SAMD12: variants seen among roughly 807,000 people sequenced by gnomAD.
SAMD12 encodes sterile alpha motif domain-containing protein 12.
A neutral mutation model predicts 15.0 loss-of-function variants in SAMD12; 9 were observed. The ratio of observed to expected loss-of-function variants is 0.60; its 90% CI spans 0.36 to 1.05. SAMD12 has a LOEUF of 1.05. Ranked by LOEUF, SAMD12 falls within the 50% of genes least tolerant of loss-of-function variation. The pLI, the probability that SAMD12 is intolerant of heterozygous loss-of-function variation, is 0.01. For missense variants in SAMD12, 230 were observed against 234.2 expected, an observed-to-expected ratio of 0.98 and a Z score of 0.12; for synonymous variants, 86 against 90.1, an observed-to-expected ratio of 0.96 and a Z score of 0.25.
At chr8:118,458,220 G>A (rs933103008) in intron 2 of SAMD12, among the ~76,000 whole-genome samples, 5 of 152,016 alleles carry the variant, frequency 3.3e-5, no homozygotes, top group Middle Eastern at 3.2e-3. Flanking sequence ...TCTAGCTCCC[G>A]TTTTTTCTTT....
intron 2 of SAMD12, among the ~76,000 whole-genome samples, chr8:118,575,408 T>G (rs1037547130): frequency 9.9e-5 from 15 of 152,206 alleles, no homozygotes; most frequent in African/African-American, 3.4e-4. Flanking sequence ...TTCTTTTGCC[T>G]AGTTGGCCAG....
At chr8:118,201,725 T>C (rs903067754) in intron 4 of SAMD12, among the ~76,000 whole-genome samples, 4 of 152,232 alleles carry the variant, frequency 2.6e-5, no homozygotes, top group African/African-American at 9.6e-5. Flanking sequence ...TGCTCTGGTT[T>C]CTTTCTCTGC....
intron 1 of SAMD12, 65 bp downstream of exon 1, chr8:118,621,739 G>C: frequency 1.1e-5 from 17 of 1,580,196 alleles, no homozygotes; most frequent in Admixed American, 1.7e-5. Context: ...AAGCTTCATC[G>C]GGGATGTGTG....
chr8:118,239,638 C>A (rs372866905), intron 4 of SAMD12, among the ~76,000 whole-genome samples: 1 of 152,120 alleles, frequency 6.6e-6, no homozygotes, highest in African/African-American at 2.4e-5. Context: ...TATTTTCTAC[C>A]CAGGCCATTT....
intron 3 of SAMD12, among the ~76,000 whole-genome samples, chr8:118,395,591 T>C (rs1371531748): frequency 6.6e-6 from 1 of 152,208 alleles, no homozygotes; most frequent in African/African-American, 2.4e-5. Flanking sequence ...TTGTTTTAAG[T>C]AACACTTTGT....
At chr8:118,300,606 A>G (rs34108327) in intron 4 of SAMD12, among the ~76,000 whole-genome samples, 6 of 152,318 alleles carry the variant, frequency 3.9e-5, no homozygotes, top group Non-Finnish European at 7.3e-5. Flanking sequence ...ATTGGAATCT[A>G]CTGGATCTTG....
the SAMD12 span, among the ~76,000 whole-genome samples, chr8:118,181,101 G>A: frequency 6.6e-6 from 1 of 151,936 alleles, no homozygotes; most frequent in Non-Finnish European, 1.5e-5. Flanking sequence ...TGCCCAGGCT[G>A]GACTTGAACA....
intron 3 of SAMD12, among the ~76,000 whole-genome samples, chr8:118,424,884 G>A (rs1424217413): frequency 6.6e-6 from 1 of 151,944 alleles, no homozygotes; most frequent in Non-Finnish European, 1.5e-5. Context: ...ATAACATGCA[G>A]GCTCTGTAAG....
At chr8:118,492,747 T>C (rs1824487429) in intron 2 of SAMD12, among the ~76,000 whole-genome samples, 1 of 152,210 alleles carries the variant, frequency 6.6e-6, no homozygotes, top group Admixed American at 6.5e-5. Context: ...TTGAAAAATA[T>C]TCTGAATTAA....
At chr8:118,616,855 T>C (rs575127316) in intron 1 of SAMD12, among the ~76,000 whole-genome samples, 52 of 152,314 alleles carry the variant, frequency 3.4e-4, no homozygotes, top group African/African-American at 1.2e-3. Flanking sequence ...ACAGAGGCAT[T>C]AGATTCTCAG....
chr8:118,202,419 G>A (rs1253796949), intron 4 of SAMD12, among the ~76,000 whole-genome samples: 6 of 152,118 alleles, frequency 3.9e-5, no homozygotes, highest in Admixed American at 3.9e-4. Context: ...TCTGGCTCCT[G>A]CTCTCTCCCA....
chr8:118,532,989 T>A (rs2131125404), intron 2 of SAMD12, among the ~76,000 whole-genome samples: 1 of 152,332 alleles, frequency 6.6e-6, no homozygotes. Flanking sequence ...AGCTTTTGAA[T>A]GTGTTTGCTC....
intron 2 of SAMD12, among the ~76,000 whole-genome samples, chr8:118,502,506 GA>G (rs1824813197): frequency 6.6e-6 from 1 of 152,160 alleles, no homozygotes; most frequent in Admixed American, 6.5e-5. Flanking sequence ...TAATGAAATA[GA>G]AATGACAGGA....
At chr8:118,191,760 A>C (rs1203449917) in exon 5 of SAMD12, 605 of 8,492 alleles carry the variant, frequency 0.071, 49 homozygotes, top group African/African-American at 0.29. Flanking sequence ...TGGAGATTAT[A>C]TATATATATA....
chr8:118,421,333 C>T (rs1265085297), intron 3 of SAMD12, among the ~76,000 whole-genome samples: 4 of 152,172 alleles, frequency 2.6e-5, no homozygotes, highest in African/African-American at 7.2e-5. Flanking sequence ...TCTAATGAAA[C>T]TGCCATTTTT....
chr8:118,212,410 G>A lies in SAMD12; in HGVS notation c.434-14678C>T, dbSNP rs17432367. Among the ~76,000 whole-genome samples the A allele has an allele frequency of 7.3e-3, 1,115 of 152,224 alleles. 8 individuals are homozygous for A. Among genetic ancestry groups the A allele is most frequent in the Non-Finnish European group, 0.013 (880 of 68,016 alleles). On this transcript the variant is annotated intron_variant, in intron 4 of 4. Transcript: ENST00000409003. ...CATCAGGCATAATTATTAGCCTTTT[G>A]TGGCTTAAAGATTTCTTTAATCTGC... is the stretch of plus-strand genomic sequence containing the variant.
intron 2 of SAMD12, among the ~76,000 whole-genome samples, chr8:118,534,846 A>G (rs1313106444): frequency 6.6e-6 from 1 of 152,010 alleles, no homozygotes; most frequent in East Asian, 1.9e-4. Flanking sequence ...CATTCATCCA[A>G]TGTTTTTTTC....
At chr8:118,377,127 C>T (rs375108576), downstream of SAMD12, among the ~76,000 whole-genome samples, 48 of 151,896 alleles carry the variant, frequency 3.2e-4, no homozygotes, top group East Asian at 7.6e-3. Flanking sequence ...TGTGAAGAAC[C>T]GGCTCACGCC....
At chr8:118,620,452 AC>A (rs1267006503) in intron 1 of SAMD12, among the ~76,000 whole-genome samples, 4 of 150,564 alleles carry the variant, frequency 2.7e-5, no homozygotes, top group Non-Finnish European at 5.9e-5. Flanking sequence ...GTACATTTGC[AC>A]AGAAAAGAAA....
Sources: gnomAD v4.1 joint callset for allele counts (sites outside exome capture counted in the v4.1 genomes callset) on GRCh38, gnomAD v4.1.1 for gene constraint, MANE v1.5 for transcripts, NCBI Gene and HGNC (gene_info 2026-07-23, HGNC 2026-07-21) for gene names.